The following SEMA3A variants were observed in gnomAD, a reference collection of about 807,000 sequenced individuals.
The protein encoded by SEMA3A is semaphorin 3A.
Under a neutral mutation model 97.9 loss-of-function variants are expected in SEMA3A, and 29 were observed. The ratio of observed to expected loss-of-function variants is 0.30; its 90% CI spans 0.22 to 0.40. The LOEUF (loss-of-function observed/expected upper bound fraction) is 0.40, where lower values mean the gene tolerates loss of function less well. Among genes scored for constraint, SEMA3A ranks in the 10% least tolerant of loss-of-function variants. The pLI is 1.00. For synonymous variants in SEMA3A, 321 were observed against 323.7 expected, an observed-to-expected ratio of 0.99 and a Z score of 0.09; for missense variants, 763 against 951.3, an observed-to-expected ratio of 0.80 and a Z score of 2.60.
At chr7:84,371,006 G>A (rs545998178) in intron 2 of SEMA3A, among the ~76,000 whole-genome samples, 2 of 150,972 alleles carry the variant, frequency 1.3e-5, no homozygotes, top group South Asian at 4.2e-4. Flanking sequence ...GGGAGAGGGA[G>A]GAGGTAAATA....
At chr7:84,222,646 C>T (rs746388181) in intron 3 of SEMA3A, among the ~76,000 whole-genome samples, 10 of 151,730 alleles carry the variant, frequency 6.6e-5, no homozygotes, top group Non-Finnish European at 1.2e-4. Flanking sequence ...AAGAAAAATG[C>T]ATATATTTTA....
chr7:84,002,229 G>A (rs1162712407), intron 11 of SEMA3A, among the ~76,000 whole-genome samples, 183 bp from the exon 12 acceptor site: 1 of 152,124 alleles, frequency 6.6e-6, no homozygotes, highest in Non-Finnish European at 1.5e-5. Context: ...ATTAGACAAA[G>A]TGTAAAGGTA....
At chr7:84,005,593 A>AGTT in intron 10 of SEMA3A, 35 bp from the exon 11 acceptor site, 1 of 1,334,678 alleles carries the variant, frequency 7.5e-7, no homozygotes, top group Non-Finnish European at 1.1e-6. Flanking sequence ...CTTTTGATTA[A>AGTT]AATCTAATAA....
rs1252677278 is a variant in SEMA3A, at chr7:84,441,849, A to C, written c.-246+50611T>G. ...AGATCATCAGCAAATTTCTTTTTAAAAGCTTTGGACACCAGAGGCAATGGG... is the reference window on the plus strand; with the variant it reads ...AGATCATCAGCAAATTTCTTTTTAACAGCTTTGGACACCAGAGGCAATGGG... On this transcript the variant is annotated intron_variant, in intron 1 of 3. Coordinates refer to the SEMA3A transcript ENST00000424555. Among the ~76,000 whole-genome samples the C allele has an allele frequency of 2.0e-5, 3 of 152,326 alleles. No homozygotes were observed. The East Asian group carries it at 5.8e-4, about 29-fold the overall frequency.
intron 1 of SEMA3A, among the ~76,000 whole-genome samples, chr7:84,409,187 T>C (rs1326100642): frequency 6.6e-6 from 1 of 151,422 alleles, no homozygotes; most frequent in Non-Finnish European, 1.5e-5. Flanking sequence ...TATCTAGAAG[T>C]ATTGGAATGT....
chr7:84,477,293 G>T lies in SEMA3A; in HGVS notation c.-246+15167C>A, dbSNP rs1806315427. On this transcript the variant is annotated intron_variant, in intron 1 of 3. Coordinates refer to the SEMA3A transcript ENST00000424555. The stretch of plus-strand genomic sequence containing the variant: ...CTCTACTAAAAATACAAAAAAATTA[G>T]CCAGGCATGGTGGAGGGCACCTGTA... Among the ~76,000 whole-genome samples the T allele has an allele frequency of 2.7e-5, 4 of 150,354 alleles. No homozygotes were observed. The South Asian group carries it at 8.4e-4, about 31-fold the overall frequency.
intron 1 of SEMA3A, among the ~76,000 whole-genome samples, chr7:84,444,027 C>T (rs1562950034): frequency 6.6e-6 from 1 of 151,564 alleles, no homozygotes; most frequent in Non-Finnish European, 1.5e-5. Context: ...GCTGGAATTA[C>T]AGGCACCTGC....
chr7:84,486,449 A>G (rs1390843384), intron 1 of SEMA3A, among the ~76,000 whole-genome samples: 1 of 152,156 alleles, frequency 6.6e-6, no homozygotes, highest in East Asian at 1.9e-4. Flanking sequence ...TTCCTACACC[A>G]CATCTAAAAT....
chr7:84,174,535 C>A (rs1039068311), intron 1 of SEMA3A, among the ~76,000 whole-genome samples: 20 of 152,142 alleles, frequency 1.3e-4, no homozygotes, highest in African/African-American at 4.6e-4. Context: ...ACTTACGCAT[C>A]CACAAAAATC....
At chr7:84,464,340 T>C (rs1008781830) in intron 1 of SEMA3A, among the ~76,000 whole-genome samples, 1 of 152,196 alleles carries the variant, frequency 6.6e-6, no homozygotes, top group Non-Finnish European at 1.5e-5. Flanking sequence ...TAAGTTATAA[T>C]GAAGTGACGA....
chr7:84,134,016 G>A (rs1048139845), intron 2 of SEMA3A, among the ~76,000 whole-genome samples: 14 of 151,704 alleles, frequency 9.2e-5, no homozygotes, highest in Admixed American at 6.6e-4. Context: ...AGCCAAGATC[G>A]CGCCACTGCA....
chr7:84,367,734 C>CTA (rs970024664), intron 2 of SEMA3A, among the ~76,000 whole-genome samples: 6 of 150,418 alleles, frequency 4.0e-5, no homozygotes, highest in African/African-American at 7.3e-5. Context: ...ATGAGTAGAC[C>CTA]TATATATATA....
intron 1 of SEMA3A, among the ~76,000 whole-genome samples, chr7:84,472,323 C>T (rs1300765276): frequency 6.6e-6 from 1 of 152,080 alleles, no homozygotes; most frequent in Non-Finnish European, 1.5e-5. Flanking sequence ...AGACTTTGGT[C>T]TTTCATGGGA....
At chr7:84,382,088 C>A (rs1360077360) in intron 1 of SEMA3A, among the ~76,000 whole-genome samples, 1 of 152,010 alleles carries the variant, frequency 6.6e-6, no homozygotes, top group Non-Finnish European at 1.5e-5. Context: ...TGGCACTTCT[C>A]CTTTCAAAAT....
chr7:84,024,610 G>T (rs1194108809), intron 6 of SEMA3A, among the ~76,000 whole-genome samples: 1 of 152,082 alleles, frequency 6.6e-6, no homozygotes, highest in Non-Finnish European at 1.5e-5. Context: ...TCAGTTACTT[G>T]ACTATCAGAA....
chr7:83,997,216 T>A (rs1189747591), intron 12 of SEMA3A, among the ~76,000 whole-genome samples: 1 of 152,186 alleles, frequency 6.6e-6, no homozygotes, highest in Non-Finnish European at 1.5e-5. Context: ...GAATATCAGA[T>A]ACTACCATGA....
chr7:84,358,804 T>G (rs1021002527), intron 2 of SEMA3A, among the ~76,000 whole-genome samples: 1 of 152,182 alleles, frequency 6.6e-6, no homozygotes, highest in African/African-American at 2.4e-5. Flanking sequence ...GTATCCTCTT[T>G]TATTTTGTTG....
chr7:84,428,530 T>C (rs1050986245), intron 1 of SEMA3A, among the ~76,000 whole-genome samples: 2 of 152,076 alleles, frequency 1.3e-5, no homozygotes, highest in African/African-American at 4.8e-5. Context: ...AAGCTTTTTT[T>C]GTATATTTTA....
chr7:84,216,045 T>C (rs1798746809), intron 3 of SEMA3A, among the ~76,000 whole-genome samples: 2 of 152,212 alleles, frequency 1.3e-5, no homozygotes, highest in Admixed American at 1.3e-4. Flanking sequence ...GAAAAGTGAT[T>C]CCTCTGGTAG....
Sources: gnomAD v4.1 joint callset for allele counts (sites outside exome capture counted in the v4.1 genomes callset) on GRCh38, gnomAD v4.1.1 for gene constraint, MANE v1.5 for transcripts, NCBI Gene and HGNC (gene_info 2026-07-23, HGNC 2026-07-21) for gene names.